TRIM66: variants seen among roughly 807,000 people sequenced by gnomAD.
TRIM66 encodes the protein tripartite motif-containing protein 66.
TRIM66 carries 99 observed loss-of-function variants against 148.2 expected under a neutral mutation model. The observed-to-expected ratio is 0.67, with a 90% CI of 0.57 to 0.79. The LOEUF (loss-of-function observed/expected upper bound fraction) is 0.79, where lower values mean the gene tolerates loss of function less well. TRIM66 is among the 30% of genes least tolerant of loss of function. TRIM66 has a pLI of 0.00. For missense variants in TRIM66, 1,666 were observed against 1,697.9 expected (o/e 0.98, Z 0.33); for synonymous variants, 616 against 635.9 (o/e 0.97, Z 0.47).
At chr11:8,648,302 T>A in intron 9 of TRIM66, 114 bp downstream of exon 9, 1 of 1,460,960 alleles carries the variant, frequency 6.8e-7, no homozygotes, top group Non-Finnish European at 9.2e-7. Flanking sequence ...GCCCAGGGGC[T>A]GCAGGTTGGC....
Position 8,618,877 on chromosome 11 carries a change from TG to T in TRIM66, c.3991del (p.Gln1331SerfsTer97). 6.4e-7 allele frequency: 1 copy of T among 1,551,454 alleles called. No homozygotes were observed. The highest frequency in any genetic ancestry group is 8.7e-7 in the Non-Finnish European group (1 of 1,146,954). The stretch of plus-strand genomic sequence containing the variant: ...GGAGTCTGAGTCCTCCTGCCTTGGC[TG>T]GGCAAACCGTTTCTCCGGGTAGATC... The part of the protein sequence containing the change: ...KEIYPEKRFA[Q>X]PRQEDSDSEE... On this transcript the variant is annotated frameshift_variant, in exon 24 of 25. Coordinates refer to ENST00000646038, the MANE Select transcript of TRIM66 (RefSeq NM_001388022.1). LOFTEE classifies it high-confidence loss of function.
intron 18 of TRIM66, among the ~76,000 whole-genome samples, chr11:8,622,365 C>CATATATATATAT (rs1217954064): frequency 5.0e-5 from 3 of 59,606 alleles, no homozygotes; most frequent in Admixed American, 1.6e-4. Flanking sequence ...CACACACACA[C>CATATATATATAT]ATATATATAT....
chr11:8,624,447 C>G lies in TRIM66; in HGVS notation c.2931G>C (p.Glu977Asp). ...TCTTCACAGAGAGGTTAATTGGCTC[C>G]TCCAGTTCTGAGGGGATGGCCAAGT... The part of the protein sequence containing the change: ...PKDLAIPSEL[E>D]EPINLSVKKP... The change falls in exon 17 of 25, where the codon GAG (glutamate) becomes GAC (aspartate). Residue 977 changes from glutamate (E) to aspartate (D), a missense_variant. Around this residue, in one of 3 missense-constraint regions of TRIM66, gnomAD observed 1,431 missense variants for 1,412.4 expected, o/e 1.01. Coordinates refer to ENST00000646038, the MANE Select transcript of TRIM66 (RefSeq NM_001388022.1). 6.4e-7 allele frequency: 1 copy of G among 1,551,658 alleles called. No homozygotes were observed. Among genetic ancestry groups the G allele is most frequent in the East Asian group, 2.4e-5 (1 of 40,908 alleles).
At chr11:8,652,182 C>T (rs763856691) in intron 6 of TRIM66, among the ~76,000 whole-genome samples, 28 of 152,124 alleles carry the variant, frequency 1.8e-4, no homozygotes, top group Non-Finnish European at 3.4e-4. Context: ...CTACTACAGG[C>T]CCAACGCTGC....
chr11:8,625,463 TTGTGTGTGTG>T (rs147088164), intron 15 of TRIM66, among the ~76,000 whole-genome samples: 30 of 148,250 alleles, frequency 2.0e-4, no homozygotes, highest in Non-Finnish European at 3.7e-4. Context: ...CGGAGAACTA[TTGTGTGTGTG>T]TGTGTGTGTG....
At chr11:8,667,430 G>A (rs1203154900) in intron 6 of TRIM66, among the ~76,000 whole-genome samples, 2 of 152,174 alleles carry the variant, frequency 1.3e-5, no homozygotes, top group South Asian at 2.1e-4. Context: ...CACAGAATGG[G>A]AGAAAATATT....
At chr11:8,661,362 A>G (rs959613877) in intron 6 of TRIM66, among the ~76,000 whole-genome samples, 2 of 152,254 alleles carry the variant, frequency 1.3e-5, no homozygotes, top group Admixed American at 1.3e-4. Flanking sequence ...AAGTACCCAC[A>G]GTATAATGCA....
chr11:8,665,246 A>G (rs1592188110), intron 6 of TRIM66, among the ~76,000 whole-genome samples: 1 of 152,326 alleles, frequency 6.6e-6, no homozygotes, highest in East Asian at 1.9e-4. Flanking sequence ...TTCTCAAACT[A>G]CAGACCAGAA....
intron 19 of TRIM66, 76 bp from the exon 20 acceptor site, chr11:8,621,397 C>T (rs2034199343): frequency 2.7e-6 from 4 of 1,477,762 alleles, no homozygotes; most frequent in African/African-American, 1.4e-5. Context: ...GAGAGACTGG[C>T]AGGCCCTGCA....
intron 17 of TRIM66, 117 bp from the exon 18 acceptor site, chr11:8,622,993 T>C (rs2034450704): frequency 6.2e-6 from 5 of 810,640 alleles, no homozygotes; most frequent in Middle Eastern, 4.4e-4. Flanking sequence ...TGTCATACAG[T>C]AGTTACCTAC....
intron 3 of TRIM66, chr11:8,678,075 T>C (rs139641437): frequency 3.7e-4 from 57 of 152,292 alleles, no homozygotes; most frequent in Non-Finnish European, 7.3e-4. Flanking sequence ...AATAAATTGG[T>C]ACGATCCTTT....
chr11:8,622,353 C>CATATATATATATATAT (rs1181138142), intron 18 of TRIM66, among the ~76,000 whole-genome samples: 9 of 54,232 alleles, frequency 1.7e-4, no homozygotes, highest in Non-Finnish European at 3.0e-4. Flanking sequence ...CACACACACA[C>CATATATATATATATAT]ACACACACAC....
At chr11:8,626,556 T>C (rs746320935) in intron 15 of TRIM66, among the ~76,000 whole-genome samples, 6 of 152,206 alleles carry the variant, frequency 3.9e-5, no homozygotes, top group Non-Finnish European at 7.3e-5. Flanking sequence ...CCATCAATTC[T>C]ACCCCTTAAA....
At chr11:8,655,867 C>T (rs989228661) in intron 6 of TRIM66, among the ~76,000 whole-genome samples, 1 of 152,104 alleles carries the variant, frequency 6.6e-6, no homozygotes, top group Non-Finnish European at 1.5e-5. Context: ...CAAATGGCAC[C>T]CTGGCTATCA....
chr11:8,667,271 T>A (rs372804083), intron 6 of TRIM66, among the ~76,000 whole-genome samples: 3 of 151,990 alleles, frequency 2.0e-5, no homozygotes, highest in African/African-American at 7.3e-5. Context: ...GAGGGGAAAA[T>A]ATTTATGACA....
At chr11:8,629,767 T>C (rs2035218473) in intron 15 of TRIM66, among the ~76,000 whole-genome samples, 1 of 152,206 alleles carries the variant, frequency 6.6e-6, no homozygotes, top group Non-Finnish European at 1.5e-5. Flanking sequence ...TATTGCATAC[T>C]TGACTGATTT....
chr11:8,678,325 A>G (rs912742982), intron 3 of TRIM66, among the ~76,000 whole-genome samples: 2 of 152,250 alleles, frequency 1.3e-5, no homozygotes, highest in African/African-American at 2.4e-5. Context: ...AAAATAAATT[A>G]TTCTTCAGCT....
chr11:8,670,017 A>T (rs12799863), intron 6 of TRIM66, among the ~76,000 whole-genome samples: 39,896 of 140,452 alleles, frequency 0.28, 5,802 homozygotes, highest in African/African-American at 0.35. Context: ...GTTTTTATTT[A>T]TTTTTTTTTT....
Position 8,646,429 on chromosome 11 carries a change from C to T in TRIM66, c.957+18G>A. 6.5e-7 allele frequency: 1 copy of T among 1,545,388 alleles called. No homozygotes were observed. Among genetic ancestry groups the T allele is most frequent in the East Asian group, 2.4e-5 (1 of 40,890 alleles). On this transcript the variant is annotated intron_variant, in intron 11 of 24. Coordinates refer to ENST00000646038, the MANE Select transcript of TRIM66 (RefSeq NM_001388022.1). ...TGGTTTCTGAACCCAACCATCTGAT[C>T]CATCTGTCTATACATACCTCTAATT...
Sources: allele counts gnomAD v4.1 joint callset (sites outside exome capture counted in the v4.1 genomes callset), GRCh38; gene constraint gnomAD v4.1.1; regional missense constraint gnomAD v4.1.1; transcripts MANE v1.5; gene names NCBI Gene and HGNC (gene_info 2026-07-23, HGNC 2026-07-21).